The following DST variants were observed in gnomAD, a reference collection of about 807,000 sequenced individuals.
DST encodes bullous pemphigoid antigen.
In DST, 253 loss-of-function variants were observed where a neutral mutation model predicts 875.2. The ratio of observed to expected loss-of-function variants is 0.29; its 90% confidence interval spans 0.26 to 0.32. DST has a LOEUF of 0.32. DST is among the 10% of genes least tolerant of loss of function. DST has a pLI of 1.00. For synonymous variants in DST, 3,124 were observed against 3,197.1 expected, an observed-to-expected ratio of 0.98 and a Z score of 0.77; for missense variants, 8,287 against 9,111.6, an observed-to-expected ratio of 0.91 and a Z score of 3.68.
chr6:56,575,022 G>A (rs749812939), intron 50 of DST, among the ~76,000 whole-genome samples: 5 of 152,154 alleles, frequency 3.3e-5, no homozygotes, highest in Admixed American at 2.0e-4. Flanking sequence ...TCACTGGAGT[G>A]AGAGGTTAAG....
intron 71 of DST, 44 bp downstream of exon 71, chr6:56,517,154 G>A (rs1173881670): frequency 7.0e-7 from 1 of 1,424,350 alleles, no homozygotes; most frequent in Non-Finnish European, 9.9e-7. Context: ...AACACCTGCT[G>A]TTTTTTCAAG....
chr6:56,811,628 T>G (rs907838751), intron 4 of DST, among the ~76,000 whole-genome samples: 1 of 152,222 alleles, frequency 6.6e-6, no homozygotes, highest in Non-Finnish European at 1.5e-5. Context: ...GATGAAACTG[T>G]GTCAGCCTTA....
At chr6:56,649,590 G>A (rs954979134) in intron 12 of DST, among the ~76,000 whole-genome samples, 1 of 151,496 alleles carries the variant, frequency 6.6e-6, no homozygotes, top group African/African-American at 2.4e-5. Flanking sequence ...GGAGGTGAGT[G>A]GGGGTGCTGA....
intron 61 of DST, among the ~76,000 whole-genome samples, chr6:56,546,768 T>C (rs2097236202): frequency 6.6e-6 from 1 of 152,108 alleles, no homozygotes; most frequent in South Asian, 2.1e-4. Context: ...GGCAAATTCT[T>C]CTCTGTCTCT....
In DST at chr6:56,602,976, T is replaced by C; in HGVS notation, c.11213A>G (p.Asp3738Gly). 1.3e-6 allele frequency: 2 copies of C among 1,596,094 alleles called. No individual in the cohort carries two copies. The highest frequency in any genetic ancestry group is 1.7e-6 in the Non-Finnish European group (2 of 1,175,094). Residue 3738 changes from aspartate (D) to glycine (G), a missense_variant, in exon 43 of 104, where the codon GAT (aspartate) becomes GGT (glycine). Asp to Gly is a moderately conservative substitution (Grantham distance 94, BLOSUM62 -1). Around this residue, in one of 10 missense-constraint regions of DST, gnomAD observed 3,138 missense variants for 3,116.6 expected, o/e 1.01. Transcript: ENST00000680361. ...AGATTTGCTCTTCTCTGATACCCAA[T>C]CTGAGAATGACTTAAGTTTATGCAG... ...EFLHKLKSFS[D>G]WVSEKSKSVK...
intron 4 of DST, among the ~76,000 whole-genome samples, chr6:56,782,960 A>T (rs1010183470): frequency 2.2e-3 from 329 of 152,156 alleles, no homozygotes; most frequent in African/African-American, 5.9e-3. Flanking sequence ...CATCTTTATT[A>T]CTGCCTTCAT....
chr6:56,950,328 T>TG (rs1312981449), intron 2 of DST, among the ~76,000 whole-genome samples: 2 of 152,188 alleles, frequency 1.3e-5, no homozygotes, highest in African/African-American at 4.8e-5. Context: ...TTACCACTAT[T>TG]CACTCTGGAT....
chr6:56,850,758 T>C (rs936574945), intron 4 of DST, among the ~76,000 whole-genome samples: 1 of 152,218 alleles, frequency 6.6e-6, no homozygotes, highest in Non-Finnish European at 1.5e-5. Context: ...GTTCAGCTTT[T>C]AGGGCCAATG....
In DST at chr6:56,640,051, G is replaced by A. The variant is rs2152777015; in HGVS notation, c.2497C>T (p.Leu833=). The change falls in exon 19 of 104, where the codon CTG becomes TTG. Residue 833 remains leucine, a synonymous_variant. Coordinates refer to ENST00000680361, the MANE Select transcript of DST (RefSeq NM_001374736.1). The stretch of plus-strand genomic sequence containing the variant: ...TCTGAGCCCCACTCAGTGCGGTCCA[G>A]TTGTACCTTCAGACAGTAAAATACT... ...LNWVDEMQVQ[L]DRTEWGSDLP... 6 of 1,614,028 alleles carry A rather than the reference G, an allele frequency of 3.7e-6. 1 individual carries two copies. In the Middle Eastern group the frequency reaches 8.3e-4, roughly 222 times the overall value.
rs553762548 is a variant in DST, at chr6:56,621,452, T to C, written c.4929+3078A>G. ...GGCTCTGGAAAAGATGCGCTTCATATACTCACAGATTTTGTTGCTGTTGTT... is the reference window on the plus strand; with the variant it reads ...GGCTCTGGAAAAGATGCGCTTCATACACTCACAGATTTTGTTGCTGTTGTT... On this transcript the variant is annotated intron_variant, in intron 36 of 103. Coordinates refer to ENST00000680361, the MANE Select transcript of DST (RefSeq NM_001374736.1). Among the ~76,000 whole-genome samples the C allele has an allele frequency of 3.9e-5, 6 of 152,344 alleles. 1 individual carries two copies. The South Asian group carries it at 1.2e-3, about 32-fold the overall frequency.
Position 56,607,421 on chromosome 6 carries a change from T to A in DST, c.7207A>T (p.Met2403Leu), listed in dbSNP as rs1353545024. 2 of 1,610,950 alleles carry A rather than the reference T, an allele frequency of 1.2e-6. No individual in the cohort carries two copies. The highest frequency in any genetic ancestry group is 1.3e-5 in the African/African-American group (1 of 75,024). The change falls in exon 40 of 104, where the codon ATG becomes TTG. Residue 2403 changes from methionine (M) to leucine (L), a missense_variant. Physicochemically the swap from Met to Leu is conservative, Grantham distance 15 (BLOSUM62 2). This residue lies in a region of DST where 3,138 missense variants were observed against 3,116.6 expected (regional missense o/e 1.01). Transcript: ENST00000680361. ...CAGAATTTACTCATTTTTGATTTCA[T>A]AATAGGATTTTCTATTAAATCACTT... ...FPSDLIENPI[M>L]KSKMSKFCGV...
At chr6:56,824,986 G>T (rs2099778323) in intron 4 of DST, among the ~76,000 whole-genome samples, 1 of 152,242 alleles carries the variant, frequency 6.6e-6, no homozygotes. Flanking sequence ...CCACCACCTG[G>T]TCTGGGAGGT....
chr6:56,487,588 C>T (rs531765074), intron 86 of DST, among the ~76,000 whole-genome samples: 8 of 152,044 alleles, frequency 5.3e-5, no homozygotes, highest in African/African-American at 9.6e-5. Flanking sequence ...TTTTATTTAC[C>T]GTATTTTCAA....
intron 50 of DST, among the ~76,000 whole-genome samples, chr6:56,574,726 C>G (rs1033325180): frequency 6.6e-6 from 1 of 151,812 alleles, no homozygotes; most frequent in South Asian, 2.1e-4. Flanking sequence ...TATTGTAGAC[C>G]AATGAAAAGT....
intron 3 of DST, chr6:56,861,864 A>C (rs1416345862): frequency 6.6e-6 from 1 of 152,170 alleles, no homozygotes. Context: ...AGGTGGAAGA[A>C]ATGGGGAACA....
intron 2 of DST, among the ~76,000 whole-genome samples, chr6:56,905,152 A>G (rs1795816950): frequency 6.6e-6 from 1 of 152,194 alleles, no homozygotes; most frequent in East Asian, 1.9e-4. Flanking sequence ...GTGGACTTCT[A>G]TCATTTTTAG....
Position 56,605,962 on chromosome 6 carries a change from A to T in DST, c.8666T>A (p.Val2889Asp). The change falls in exon 40 of 104, where the codon GTT (valine) becomes GAT (aspartate). Residue 2889 changes from valine (V) to aspartate (D), a missense_variant. This residue lies in a region of DST where 3,138 missense variants were observed against 3,116.6 expected (regional missense o/e 1.01). Transcript: ENST00000680361. ...TTCTGGAAGGTTGCTTTTTTCAGTA[A>T]CTAAGTTATTTTCACTAGGTGATGC... is the stretch of plus-strand genomic sequence containing the variant. ...QLASPSENNL[V>D]TEKSNLPEYT... 1 of 1,612,746 alleles carries T rather than the reference A, an allele frequency of 6.2e-7. No individual in the cohort carries two copies. The highest frequency in any genetic ancestry group is 8.5e-7 in the Non-Finnish European group (1 of 1,179,414).
In DST at chr6:56,477,406, T is replaced by C; in HGVS notation, c.21614A>G (p.His7205Arg). Residue 7205 changes from histidine (H) to arginine (R), a missense_variant, in exon 91 of 104, where the codon CAC (histidine) becomes CGC (arginine). Around this residue, in one of 10 missense-constraint regions of DST, gnomAD observed 1,292 missense variants for 1,552.7 expected, o/e 0.83. Coordinates refer to ENST00000680361, the MANE Select transcript of DST (RefSeq NM_001374736.1). ...CTTAATGGTAGTGATGGAGTCGGGG[T>C]GGCAGATAGCCAAAACGGTGTCGCC... ...TMGDTVLAIC[H>R]PDSITTIKHW... 1.9e-6 allele frequency: 3 copies of C among 1,613,954 alleles called. No homozygotes were observed. Among genetic ancestry groups the C allele is most frequent in the Non-Finnish European group, 2.5e-6 (3 of 1,179,868 alleles).
Position 56,553,631 on chromosome 6 carries a change from G to A in DST, c.15161C>T (p.Ser5054Leu), listed in dbSNP as rs374048995. ...AAATTGATGAGAGCTTGCACAGGCC[G>A]ACTGAAGGTGCTGGACATGATTCTC... ...KAENHVQHLQ[S>L]ACASSHQFQQ... The change falls in exon 61 of 104, where the codon TCG becomes TTG. Residue 5054 changes from serine to leucine, a missense_variant. Ser to Leu is a moderately radical substitution (Grantham distance 145). This residue lies in a region of DST where 1,513 missense variants were observed against 1,677.8 expected (regional missense o/e 0.90). Transcript: ENST00000680361. The A allele has an allele frequency of 3.6e-5, 58 of 1,613,046 alleles. No individual in the cohort carries two copies. The highest frequency in any genetic ancestry group is 2.3e-4 in the South Asian group (21 of 91,034).
Sources: gnomAD v4.1 joint callset for allele counts (sites outside exome capture counted in the v4.1 genomes callset) on GRCh38, gnomAD v4.1.1 for gene constraint, gnomAD v4.1.1 regional missense constraint, MANE v1.5 for transcripts, NCBI Gene and HGNC (gene_info 2026-07-23, HGNC 2026-07-21) for gene names.